BOC: variants seen among roughly 807,000 people sequenced by gnomAD.
The protein encoded by BOC is BOC cell adhesion associated, oncogene regulated.
BOC carries 76 observed loss-of-function variants against 112.0 expected under a neutral mutation model. That is an observed-to-expected ratio of 0.68 (90% CI 0.56 to 0.82). The LOEUF (loss-of-function observed/expected upper bound fraction) is 0.82, where lower values mean the gene tolerates loss of function less well. Ranked by LOEUF, BOC falls within the 40% of genes least tolerant of loss-of-function variation. The probability of loss-of-function intolerance (pLI) is 0.00; values close to 1 mark genes in which losing one functional copy is unlikely to be tolerated. For missense variants in BOC, 1,309 were observed against 1,511.7 expected, an observed-to-expected ratio of 0.87 and a Z score of 2.22; for synonymous variants, 580 against 599.8, an observed-to-expected ratio of 0.97 and a Z score of 0.48.
intron 2 of BOC, among the ~76,000 whole-genome samples, chr3:113,216,645 A>C (rs1297117487): frequency 1.3e-5 from 2 of 152,226 alleles, no homozygotes; most frequent in Non-Finnish European, 2.9e-5. Flanking sequence ...TTGTGGTCTG[A>C]TGTACTGGGC....
rs978815828 is a variant in BOC, at chr3:113,246,859, T to C, written c.-81-2863T>C. 1.1e-4 allele frequency among the ~76,000 whole-genome samples: 16 copies of C among 152,288 alleles called. No individual in the cohort carries two copies. In the South Asian group the frequency reaches 1.7e-3, roughly 16 times the overall value. On this transcript the variant is annotated intron_variant, in intron 2 of 19. Coordinates refer to ENST00000682979, the MANE Select transcript of BOC (RefSeq NM_001378074.1). ...TCACTCCCTCTCACTCCCAATTCTT[T>C]TCTCCTTGTTGTTTTTGAAAGCAGG... is the stretch of plus-strand genomic sequence containing the variant.
rs142035783 is a variant in BOC, at chr3:113,278,231, A to G, written c.1679A>G (p.Gln560Arg). The G allele has an allele frequency of 6.2e-6, 10 of 1,614,114 alleles. No individual in the cohort carries two copies. In the African/African-American group the frequency reaches 1.3e-4, roughly 22 times the overall value. ...GCTTACAACTGTGCGGGAGAGGGCC[A>G]GACAGCCATGGTCACCTTCCGAACT... ...MAAYNCAGEG[Q>R]TAMVTFRTGR... Residue 560 changes from glutamine to arginine, a missense_variant, in exon 10 of 20, where the codon CAG becomes CGG. Gln to Arg is a conservative substitution (Grantham distance 43, BLOSUM62 1). Transcript: ENST00000682979. The surrounding 1 kb of genome is among the most constrained non-coding windows in gnomAD (Gnocchi z 4.2).
intron 2 of BOC, among the ~76,000 whole-genome samples, chr3:113,241,522 GC>G (rs759724519): frequency 1.3e-5 from 2 of 151,844 alleles, no homozygotes; most frequent in Non-Finnish European, 2.9e-5. Flanking sequence ...CTTTCCACCA[GC>G]CCCAACCTCT....
At chr3:113,262,882 T>C (rs895566588) in intron 4 of BOC, among the ~76,000 whole-genome samples, 2 of 151,992 alleles carry the variant, frequency 1.3e-5, no homozygotes, top group African/African-American at 2.4e-5. Flanking sequence ...TAGTGAGGAG[T>C]GTCAGGGACC....
rs3814398 is a variant in BOC at position 113,272,465 on chromosome 3, C to T, written c.723C>T (p.Ile241=). ...IIYPPEAQTI[I]VTKGQSLILE... ...ACCCCCCAGAGGCCCAAACCATCAT[C>T]GTCACCAAAGGCCAGAGTCTCATTC... The change falls in exon 7 of 20, where the codon ATC becomes ATT. Residue 241 remains isoleucine, a synonymous_variant. Transcript: ENST00000682979. The T allele has an allele frequency of 0.19, 303,262 of 1,613,806 alleles. 33,581 individuals carry two copies. The highest frequency in any genetic ancestry group is 0.46 in the East Asian group (20,433 of 44,816).
chr3:113,270,964 G>A lies in BOC; in HGVS notation c.667+20G>A. 6.2e-7 allele frequency: 1 copy of A among 1,613,966 alleles called. No homozygotes were observed. The highest frequency in any genetic ancestry group is 8.5e-7 in the Non-Finnish European group (1 of 1,180,032). ...TGCGCCGTAAGGCCCGGGCCCACCT[G>A]CTGGGGGATGGGGGATCACTGATGG... On this transcript the variant is annotated intron_variant, in intron 6 of 19. Coordinates refer to ENST00000682979, the MANE Select transcript of BOC (RefSeq NM_001378074.1).
chr3:113,215,173 G>A (rs192537293), intron 1 of BOC, among the ~76,000 whole-genome samples: 22 of 152,306 alleles, frequency 1.4e-4, no homozygotes, highest in Admixed American at 9.1e-4. Flanking sequence ...TAATTTATGA[G>A]GTTGACTCAA....
At chr3:113,284,955 G>A (rs921862946) in intron 18 of BOC, 97 bp downstream of exon 18, 9 of 1,126,114 alleles carry the variant, frequency 8.0e-6, no homozygotes, top group African/African-American at 7.7e-5. Flanking sequence ...CCAAGCAGTA[G>A]TGCTGTACTC....
At chr3:113,254,403 G>A (rs924967336) in intron 4 of BOC, among the ~76,000 whole-genome samples, 29 of 152,290 alleles carry the variant, frequency 1.9e-4, no homozygotes, top group African/African-American at 7.0e-4. Flanking sequence ...CGAGGTGGCG[G>A]GAAGGTGGGT....
At position 113,279,439 on chromosome 3, in the gene BOC, C is replaced by T; in HGVS notation, c.2007C>T (p.Ile669=). Residue 669 remains isoleucine, a synonymous_variant, in exon 12 of 20, where the codon ATC becomes ATT. Coordinates refer to ENST00000682979, the MANE Select transcript of BOC (RefSeq NM_001378074.1). ...CCCCATCGCGGCTGTCCGTGGAGATCACGGGCCTAGAGAAAGGTAGGGGCC... is the reference window on the plus strand; with the variant it reads ...CCCCATCGCGGCTGTCCGTGGAGATTACGGGCCTAGAGAAAGGTAGGGGCC... ...AIPPSRLSVE[I]TGLEKGTSYK... 1 of 1,614,020 alleles carries T rather than the reference C, an allele frequency of 6.2e-7. No individual in the cohort carries two copies. Among genetic ancestry groups the T allele is most frequent in the Non-Finnish European group, 8.5e-7 (1 of 1,180,002 alleles).
intron 2 of BOC, among the ~76,000 whole-genome samples, chr3:113,237,886 A>G (rs1251289606): frequency 2.0e-5 from 3 of 152,232 alleles, no homozygotes; most frequent in Non-Finnish European, 4.4e-5. Flanking sequence ...AAACACTGAA[A>G]AAGCACCTAT....
intron 2 of BOC, among the ~76,000 whole-genome samples, chr3:113,232,240 C>G (rs1942732561): frequency 6.6e-6 from 1 of 152,180 alleles, no homozygotes; most frequent in South Asian, 2.1e-4. Context: ...TGCACCGAGG[C>G]CACTGAGCTT....
At chr3:113,229,847 ACCAAAATGACC>A (rs1553724962) in intron 2 of BOC, among the ~76,000 whole-genome samples, 1 of 152,202 alleles carries the variant, frequency 6.6e-6, no homozygotes, top group Non-Finnish European at 1.5e-5. Context: ...GATATTCCTT[ACCAAAATGACC>A]CCAAAATCCA....
intron 2 of BOC, among the ~76,000 whole-genome samples, chr3:113,249,102 G>A (rs1160295794): frequency 6.6e-6 from 1 of 152,140 alleles, no homozygotes; most frequent in Non-Finnish European, 1.5e-5. Context: ...AGAGCAGGGT[G>A]ATTGCAGGAA....
At chr3:113,284,063 C>T (rs1031605984) in intron 16 of BOC, among the ~76,000 whole-genome samples, 5 of 152,106 alleles carry the variant, frequency 3.3e-5, no homozygotes. Flanking sequence ...AAATATTGTT[C>T]TTCTTTTCAC....
intron 4 of BOC, among the ~76,000 whole-genome samples, chr3:113,264,066 G>C (rs1009713992): frequency 1.8e-4 from 27 of 152,196 alleles, no homozygotes; most frequent in African/African-American, 6.3e-4. Context: ...CCAGAAGGAA[G>C]GAACTGGGCC....
chr3:113,223,070 G>A (rs1941029119), intron 2 of BOC, among the ~76,000 whole-genome samples: 1 of 152,182 alleles, frequency 6.6e-6, no homozygotes, highest in Non-Finnish European at 1.5e-5. Context: ...CTTCTGACTT[G>A]GTTCTAGATT....
In BOC at chr3:113,283,463, A is replaced by G. The variant is rs754541411; in HGVS notation, c.2487A>G (p.Pro829=). 6.2e-7 allele frequency: 1 copy of G among 1,613,570 alleles called. No individual in the cohort carries two copies. The highest frequency in any genetic ancestry group is 2.2e-5 in the East Asian group (1 of 44,850). ...GACTGCCACCCCCAACTCTGGCCCCACCACAGCCGCCCCTTCCTGAAACCA... is the reference window on the plus strand; with the variant it reads ...GACTGCCACCCCCAACTCTGGCCCCGCCACAGCCGCCCCTTCCTGAAACCA... ...PGRLPPPTLA[P]PQPPLPETIE... is the part of the protein sequence containing the mutation. The change falls in exon 16 of 20, where the codon CCA becomes CCG. Residue 829 remains proline (P), a synonymous_variant. Coordinates refer to ENST00000682979, the MANE Select transcript of BOC (RefSeq NM_001378074.1).
In BOC at chr3:113,260,095, A is replaced by G. The variant is rs1488475641; in HGVS notation, c.377-8204A>G. ...TTCCACAGCCCTTTCTTGCCTCTCT[A>G]TCTGGAGGGTAGGAACTGTTATTAT... On this transcript the variant is annotated intron_variant, in intron 4 of 19. Coordinates refer to ENST00000682979, the MANE Select transcript of BOC (RefSeq NM_001378074.1). Among the ~76,000 whole-genome samples the G allele has an allele frequency of 3.3e-5, 5 of 152,036 alleles. No individual in the cohort carries two copies. The South Asian group carries it at 8.3e-4, about 25-fold the overall frequency.
Sources: gnomAD v4.1 joint callset for allele counts (sites outside exome capture counted in the v4.1 genomes callset) on GRCh38, gnomAD v4.1.1 for gene constraint, Gnocchi (gnomAD v3.1) non-coding constraint, MANE v1.5 for transcripts, NCBI Gene and HGNC (gene_info 2026-07-23, HGNC 2026-07-21) for gene names.